Variants in PCDHA12 observed in about 807,000 individuals in gnomAD.
The protein encoded by PCDHA12 is protocadherin alpha 12, also known as protocadherin alpha-12.
PCDHA12 carries 44 observed loss-of-function variants against 60.0 expected under a neutral mutation model. The observed-to-expected ratio is 0.73, with a 90% CI of 0.58 to 0.94. The LOEUF is 0.94. Among genes scored for constraint, PCDHA12 ranks in the 40% least tolerant of loss-of-function variants. PCDHA12 has a pLI of 0.00. For missense variants in PCDHA12, 1,276 were observed against 1,239.7 expected (o/e 1.03, Z -0.44); for synonymous variants, 569 against 553.0 (o/e 1.03, Z -0.40).
intron 1 of PCDHA12, among the ~76,000 whole-genome samples, chr5:140,918,027 G>A (rs782291548): frequency 8.5e-5 from 13 of 152,226 alleles, no homozygotes; most frequent in African/African-American, 1.9e-4. Context: ...ACCCATGAGC[G>A]TGGAAGGTCT....
chr5:141,006,426 G>A (rs2153987618), intron 3 of PCDHA12, among the ~76,000 whole-genome samples: 1 of 152,170 alleles, frequency 6.6e-6, no homozygotes, highest in Admixed American at 6.5e-5. Context: ...TGTTAGCCAG[G>A]ATGGTCTCAA....
At chr5:140,983,299 A>T (rs1554245269) in intron 3 of PCDHA12, among the ~76,000 whole-genome samples, 1 of 152,186 alleles carries the variant, frequency 6.6e-6, no homozygotes. Flanking sequence ...GCTTAAACTC[A>T]CATTTGCTTG....
chr5:140,923,078 G>A (rs1392146044), intron 1 of PCDHA12, among the ~76,000 whole-genome samples: 1 of 152,200 alleles, frequency 6.6e-6, no homozygotes, highest in African/African-American at 2.4e-5. Context: ...CCTCATGTCA[G>A]CACTTATTTG....
intron 1 of PCDHA12, among the ~76,000 whole-genome samples, chr5:140,919,377 A>G (rs2079104195): frequency 1.3e-5 from 2 of 152,208 alleles, no homozygotes; most frequent in Non-Finnish European, 2.9e-5. Context: ...CAGACAACAC[A>G]TAGTTGGATG....
At chr5:140,928,406 G>A (rs782285182) in intron 1 of PCDHA12, 1 of 1,614,050 alleles carries the variant, frequency 6.2e-7, no homozygotes, top group South Asian at 1.1e-5. Flanking sequence ...TCATCCAGTG[G>A]GGCCATCACT....
At chr5:140,904,436 T>C (rs1554191522) in intron 1 of PCDHA12, among the ~76,000 whole-genome samples, 1 of 151,240 alleles carries the variant, frequency 6.6e-6, no homozygotes, top group Admixed American at 6.6e-5. Flanking sequence ...TATATATGTA[T>C]ATTACAATTT....
At chr5:140,890,752 G>A (rs2062783323) in intron 1 of PCDHA12, among the ~76,000 whole-genome samples, 1 of 151,990 alleles carries the variant, frequency 6.6e-6, no homozygotes, top group East Asian at 1.9e-4. Context: ...TTTCTGTCAT[G>A]CTTTAAAAAT....
At chr5:140,993,460 T>TCCCACACA (rs1554253699) in intron 3 of PCDHA12, among the ~76,000 whole-genome samples, 2 of 104,506 alleles carry the variant, frequency 1.9e-5, no homozygotes, top group African/African-American at 7.8e-5. Flanking sequence ...CTTCTTTCTT[T>TCCCACACA]CTCACACACA....
Position 140,876,140 on chromosome 5 carries a change from C to T in PCDHA12, c.668C>T (p.Thr223Ile). 1 of 1,613,944 alleles carries T rather than the reference C, an allele frequency of 6.2e-7. No homozygotes were observed. Among genetic ancestry groups the T allele is most frequent in the East Asian group, 2.2e-5 (1 of 44,890 alleles). ...MVIDGGKPEL[T>I]GSVQIQITVL... ...ATCGATGGCGGTAAACCAGAACTAA[C>T]AGGGTCTGTCCAGATTCAAATAACC... The change falls in exon 1 of 4, where the codon ACA (threonine) becomes ATA (isoleucine). Residue 223 changes from threonine (T) to isoleucine (I), a missense_variant. By Grantham distance (89) the Thr-to-Ile change is moderately conservative. Transcript: ENST00000398631.
At position 140,876,543 on chromosome 5, in the gene PCDHA12, C is replaced by T. The variant is rs1357446844; in HGVS notation, c.1071C>T (p.Leu357=). 10 of 1,614,022 alleles carry T rather than the reference C, an allele frequency of 6.2e-6. No individual in the cohort carries two copies. The highest frequency in any genetic ancestry group is 2.7e-5 in the African/African-American group (2 of 74,902). Residue 357 remains leucine (L), a synonymous_variant, in exon 1 of 4, where the codon CTC becomes CTT. Transcript: ENST00000398631. ...AAGTAATGGTTACTTCACTGTCGCT[C>T]CCTGTGCAAGAGGATGCTCAGGTGG... is the stretch of plus-strand genomic sequence containing the variant. The part of the protein sequence containing the change: ...VPEVMVTSLS[L]PVQEDAQVGT...
rs372613448 is a variant in PCDHA12 at position 140,877,440 on chromosome 5, G to A, written c.1968G>A (p.Glu656=). ...TGGTGCTGGTGAAGGACCACGGTGA[G>A]CCCGCGCTGACGTCCACGGCCACGG... The part of the protein sequence containing the change: ...RLLVLVKDHG[E]PALTSTATVL... Residue 656 remains glutamate (E), a synonymous_variant, in exon 1 of 4, where the codon GAG becomes GAA. Transcript: ENST00000398631. The A allele has an allele frequency of 5.6e-6, 9 of 1,613,710 alleles. No homozygotes were observed. Among genetic ancestry groups the A allele is most frequent in the Non-Finnish European group, 5.9e-6 (7 of 1,179,866 alleles).
At chr5:140,920,718 C>A (rs183020461) in intron 1 of PCDHA12, among the ~76,000 whole-genome samples, 3 of 152,168 alleles carry the variant, frequency 2.0e-5, no homozygotes, top group East Asian at 3.9e-4. Context: ...GTGGTGTGCG[C>A]CTGCAGTCCC....
At chr5:140,952,962 C>A (rs246032) in intron 1 of PCDHA12, among the ~76,000 whole-genome samples, 85,448 of 151,620 alleles carry the variant, frequency 0.56, 24,697 homozygotes, top group African/African-American at 0.69. Context: ...GGAAGTGATA[C>A]ACACTTTTAA....
In PCDHA12 at chr5:140,883,821, A is replaced by T; in HGVS notation, c.2367+5982A>T. ...GTGCACGCGGAGAGCGGCAAGGTGT[A>T]CGCGCTGCAGCCGTTGGACCACGAG... On this transcript the variant is annotated intron_variant, in intron 1 of 3. Transcript: ENST00000398631. 6.2e-7 allele frequency: 1 copy of T among 1,612,450 alleles called. No individual in the cohort carries two copies. The highest frequency in any genetic ancestry group is 8.5e-7 in the Non-Finnish European group (1 of 1,179,756).
At chr5:140,941,202 C>CTTTTCTTTCTTCCTTTCTTT (rs1554213921) in intron 1 of PCDHA12, among the ~76,000 whole-genome samples, 1 of 122,742 alleles carries the variant, frequency 8.1e-6, no homozygotes, top group Non-Finnish European at 1.8e-5. Flanking sequence ...TTTCTTTCTT[C>CTTTTCTTTCTTCCTTTCTTT]CTTTCTTTCT....
At chr5:140,924,209 A>T (rs1470255016) in intron 1 of PCDHA12, among the ~76,000 whole-genome samples, 1 of 152,242 alleles carries the variant, frequency 6.6e-6, no homozygotes, top group Non-Finnish European at 1.5e-5. Flanking sequence ...AAATTTGGTG[A>T]AGAATAAGTT....
intron 1 of PCDHA12, chr5:140,884,459 G>A (rs530412188): frequency 8.1e-6 from 13 of 1,613,636 alleles, no homozygotes; most frequent in Non-Finnish European, 1.0e-5. Flanking sequence ...CACCGAGGGC[G>A]CGTGCGCGCC....
At chr5:140,914,583 A>C (rs1583912822) in intron 1 of PCDHA12, among the ~76,000 whole-genome samples, 1 of 151,992 alleles carries the variant, frequency 6.6e-6, no homozygotes, top group East Asian at 1.9e-4. Flanking sequence ...CAATAATTTC[A>C]TTTAAGTAGG....
Position 140,876,990 on chromosome 5 carries a change from C to T in PCDHA12, c.1518C>T (p.Ser506=), listed in dbSNP as rs374520504. The T allele has an allele frequency of 2.2e-5, 35 of 1,612,500 alleles. No individual in the cohort carries two copies. In the South Asian group the frequency reaches 2.9e-4, roughly 13 times the overall value. Residue 506 remains serine, a synonymous_variant, in exon 1 of 4, where the codon AGC becomes AGT. Coordinates refer to ENST00000398631, the MANE Select transcript of PCDHA12 (RefSeq NM_018903.4). ...GGGTGGGCGAGCACGCACTGTCGAG[C>T]TACGTGTCGGTGCACGCGGAGAGCG... is the stretch of plus-strand genomic sequence containing the variant. ...ERRVGEHALS[S]YVSVHAESGK...
Sources: gnomAD v4.1 joint callset for allele counts (sites outside exome capture counted in the v4.1 genomes callset) on GRCh38, gnomAD v4.1.1 for gene constraint, MANE v1.5 for transcripts, NCBI Gene and HGNC (gene_info 2026-07-23, HGNC 2026-07-21) for gene names.